Variants in SNRPC observed in about 807,000 individuals in gnomAD.
SNRPC encodes the protein small nuclear ribonucleoprotein polypeptide C, also known as U1 small nuclear ribonucleoprotein C.
SNRPC carries 5 observed loss-of-function variants against 20.0 expected under a neutral mutation model. The observed-to-expected ratio is 0.25, with a 90% confidence interval of 0.13 to 0.53. The LOEUF is 0.53. Ranked by LOEUF, SNRPC falls within the 20% of genes least tolerant of loss-of-function variation. SNRPC has a pLI of 0.96. For missense variants in SNRPC, 112 were observed against 224.1 expected, an observed-to-expected ratio of 0.50 and a Z score of 3.19; for synonymous variants, 61 against 58.7, an observed-to-expected ratio of 1.04 and a Z score of -0.18.
chr6:34,761,494 G>T (rs1764535185), intron 2 of SNRPC, among the ~76,000 whole-genome samples: 1 of 148,232 alleles, frequency 6.7e-6, no homozygotes, highest in African/African-American at 2.5e-5. Flanking sequence ...GTAAGCAGTG[G>T]TTGGGAAGAC....
At chr6:34,758,148 C>T (rs1286411486) in intron 2 of SNRPC, among the ~76,000 whole-genome samples, 194 bp downstream of exon 2, 2 of 152,082 alleles carry the variant, frequency 1.3e-5, no homozygotes, top group African/African-American at 4.8e-5. Flanking sequence ...ACAAGTCAGG[C>T]ATGGTGGTGT....
Position 34,769,712 on chromosome 6 carries a change from T to G in SNRPC, c.251-579T>G, listed in dbSNP as rs371774260. Among the ~76,000 whole-genome samples the G allele has an allele frequency of 2.6e-5, 4 of 152,194 alleles. No individual in the cohort carries two copies. In the South Asian group the frequency reaches 6.2e-4, roughly 24 times the overall value. On this transcript the variant is annotated intron_variant, in intron 4 of 5. Coordinates refer to ENST00000244520, the MANE Select transcript of SNRPC (RefSeq NM_003093.3). Reference sequence around the variant, plus strand: ...GGTACAACCTCTCCACCCCCTTGTTTTGTTTTTTTAAATTAAAATCTCAAT... The same window carrying G: ...GGTACAACCTCTCCACCCCCTTGTTGTGTTTTTTTAAATTAAAATCTCAAT...
intron 4 of SNRPC, among the ~76,000 whole-genome samples, chr6:34,770,083 G>A (rs1411396785): frequency 1.3e-5 from 2 of 152,224 alleles, no homozygotes; most frequent in South Asian, 2.1e-4. Context: ...TTAGCTGGGC[G>A]TGGTGGCACA....
At chr6:34,767,463 A>G (rs1315438234) in intron 3 of SNRPC, among the ~76,000 whole-genome samples, 1 of 152,202 alleles carries the variant, frequency 6.6e-6, no homozygotes, top group Non-Finnish European at 1.5e-5. Flanking sequence ...TCTATAAAAA[A>G]TAAAAAGTTA....
Position 34,773,700 on chromosome 6 carries a change from A to AAT in SNRPC, c.*132_*133dup. The AAT allele has an allele frequency of 1.4e-6, 1 of 738,386 alleles. No homozygotes were observed. Among genetic ancestry groups the AAT allele is most frequent in the South Asian group, 2.9e-5 (1 of 34,492 alleles). The allele number at this position is 738,386 out of a possible 1,614,324, so 45.7% of individuals were successfully genotyped here. A position where few individuals can be genotyped will look rare whatever the true frequency, so the allele number is the denominator to read the frequency against. On this transcript the variant is annotated 3_prime_UTR_variant, in exon 6 of 6. Transcript: ENST00000244520. This position sits in a 1 kb window ranked among gnomAD's most constrained non-coding sequence, Gnocchi z 4.1. The stretch of plus-strand genomic sequence containing the variant: ...CTTGCTCCCCTGTCCTATGAAAGAG[A>AAT]ATAGTTTTGGAGGGGAGAAGTGGGA...
chr6:34,767,338 G>C (rs1203890419), intron 3 of SNRPC, among the ~76,000 whole-genome samples: 1 of 152,214 alleles, frequency 6.6e-6, no homozygotes, highest in African/African-American at 2.4e-5. Flanking sequence ...GACATTGATA[G>C]GGCCAGGCAT....
chr6:34,772,414 C>T (rs1174552008), intron 5 of SNRPC, among the ~76,000 whole-genome samples: 3 of 152,116 alleles, frequency 2.0e-5, no homozygotes, highest in African/African-American at 7.2e-5. Flanking sequence ...ATAGGTTAAG[C>T]ATGGGCTTTT....
intron 3 of SNRPC, among the ~76,000 whole-genome samples, chr6:34,764,552 A>G (rs1764589535): frequency 6.6e-6 from 1 of 151,974 alleles, no homozygotes; most frequent in Non-Finnish European, 1.5e-5. Context: ...AGCCCCAGCT[A>G]CTTGGGAGAC....
chr6:34,758,608 C>T (rs1010830967), intron 2 of SNRPC, among the ~76,000 whole-genome samples: 3 of 152,096 alleles, frequency 2.0e-5, no homozygotes, highest in Non-Finnish European at 4.4e-5. Flanking sequence ...AGCCACCATG[C>T]CCAGCCAACC....
At chr6:34,759,329 T>G (rs554612228) in intron 2 of SNRPC, among the ~76,000 whole-genome samples, 2 of 152,222 alleles carry the variant, frequency 1.3e-5, no homozygotes, top group East Asian at 3.9e-4. Flanking sequence ...TGGTGGCTCA[T>G]GTCTGTAATC....
intron 4 of SNRPC, 26 bp downstream of exon 4, chr6:34,768,023 G>A: frequency 6.3e-7 from 1 of 1,589,986 alleles, no homozygotes; most frequent in Non-Finnish European, 8.6e-7. Flanking sequence ...TAATCTTAAG[G>A]GGTGTGACGG....
chr6:34,762,419 T>C (rs950082042), intron 2 of SNRPC, among the ~76,000 whole-genome samples, 176 bp from the exon 3 acceptor site: 6 of 152,188 alleles, frequency 3.9e-5, no homozygotes, highest in African/African-American at 1.4e-4. Context: ...CTGGTCTAGA[T>C]AATATAGTAA....
chr6:34,758,320 C>CT lies in SNRPC; in HGVS notation c.51+378dup, dbSNP rs1218148556. On this transcript the variant is annotated intron_variant, in intron 2 of 5. Transcript: ENST00000244520. ...GTTAAAGCAGAATGTTTTGTTAGTA[C>CT]TTTTTTTTTTTTGAAACGGAGTTTC... Among the ~76,000 whole-genome samples, 1,468 of 147,534 alleles carry CT rather than the reference C, an allele frequency of 1.0e-2. 18 individuals carry two copies. Among genetic ancestry groups the CT allele is most frequent in the African/African-American group, 0.028 (1,128 of 40,534 alleles).
At chr6:34,758,294 A>G (rs527554554) in intron 2 of SNRPC, among the ~76,000 whole-genome samples, 1 of 152,222 alleles carries the variant, frequency 6.6e-6, no homozygotes, top group Admixed American at 6.5e-5. Context: ...TAATAACAAC[A>G]GTTAAAGCAG....
chr6:34,764,577 C>T (rs918280149), intron 3 of SNRPC, among the ~76,000 whole-genome samples: 2 of 151,926 alleles, frequency 1.3e-5, no homozygotes, highest in African/African-American at 2.4e-5. Context: ...GCAGGAGAAT[C>T]GCTCAAACCC....
chr6:34,771,542 G>A (rs1764691262), intron 5 of SNRPC, among the ~76,000 whole-genome samples: 1 of 152,066 alleles, frequency 6.6e-6, no homozygotes, highest in South Asian at 2.1e-4. Flanking sequence ...GTTTATCTGA[G>A]TCTTCCTAAG....
rs1352904902 is a variant in SNRPC, at chr6:34,773,343, A to AG, written c.356-97dup. ...TGTGTCTTTTTTCCAGCATTTTGCA[A>AG]GGGGGGCTACGTTTTTTGTTTTTAA... is the stretch of plus-strand genomic sequence containing the variant. On this transcript the variant is annotated intron_variant, in intron 5 of 5. Transcript: ENST00000244520. This position sits in a 1 kb window ranked among gnomAD's most constrained non-coding sequence, Gnocchi z 4.1. 24 of 968,724 alleles carry AG rather than the reference A, an allele frequency of 2.5e-5. No individual in the cohort carries two copies. Among genetic ancestry groups the AG allele is most frequent in the African/African-American group, 6.6e-5 (4 of 60,830 alleles). The allele number at this position is 968,724 out of a possible 1,614,324, so 60.0% of individuals were successfully genotyped here.
At chr6:34,769,367 A>G (rs1412655036) in intron 4 of SNRPC, among the ~76,000 whole-genome samples, 2 of 149,508 alleles carry the variant, frequency 1.3e-5, no homozygotes, top group African/African-American at 4.9e-5. Flanking sequence ...CTAATTTTGT[A>G]TTTTTAGTAG....
intron 1 of SNRPC, 48 bp from the exon 2 acceptor site, chr6:34,757,864 G>T: frequency 6.3e-7 from 1 of 1,594,696 alleles, no homozygotes; most frequent in Non-Finnish European, 8.5e-7. Flanking sequence ...CCGTGGATGG[G>T]CATCTCAGTG....
Sources: gnomAD v4.1 joint callset for allele counts (sites outside exome capture counted in the v4.1 genomes callset) on GRCh38, gnomAD v4.1.1 for gene constraint, Gnocchi (gnomAD v3.1) non-coding constraint, MANE v1.5 for transcripts, NCBI Gene and HGNC (gene_info 2026-07-23, HGNC 2026-07-21) for gene names.